Variants in SEPTIN11 observed in about 807,000 individuals in gnomAD.
The protein encoded by SEPTIN11 is septin 11.
A neutral mutation model predicts 51.4 loss-of-function variants in SEPTIN11; 25 were observed. The observed-to-expected ratio is 0.49, with a 90% CI of 0.35 to 0.68. The LOEUF is 0.68. SEPTIN11 is among the 30% of genes least tolerant of loss of function. The pLI is 0.00. For synonymous variants in SEPTIN11, 174 were observed against 184.1 expected (o/e 0.95, Z 0.44); for missense variants, 381 against 520.8 (o/e 0.73, Z 2.61).
chr4:76,958,430 C>G (rs1721656674), intron 1 of SEPTIN11, among the ~76,000 whole-genome samples: 1 of 152,206 alleles, frequency 6.6e-6, no homozygotes, highest in Admixed American at 6.5e-5. Flanking sequence ...GTGGCCTTCC[C>G]TCTTCCCCTG....
At chr4:76,978,436 C>T (rs923282084) in intron 1 of SEPTIN11, among the ~76,000 whole-genome samples, 2 of 152,152 alleles carry the variant, frequency 1.3e-5, no homozygotes, top group Non-Finnish European at 2.9e-5. Context: ...TGATGGCCAA[C>T]ACACACATCA....
At chr4:77,005,883 G>T in intron 3 of SEPTIN11, 87 bp downstream of exon 3, 1 of 1,267,374 alleles carries the variant, frequency 7.9e-7, no homozygotes, top group South Asian at 1.5e-5. Flanking sequence ...AATGTTTTGG[G>T]GATTTTTTAG....
intron 1 of SEPTIN11, chr4:76,959,304 G>A (rs1335415804): frequency 1.9e-5 from 3 of 155,644 alleles, no homozygotes; most frequent in Non-Finnish European, 4.1e-5. Flanking sequence ...AATGGATACA[G>A]AGTCTTGCTA....
chr4:77,012,312 T>C (rs1193513049), intron 4 of SEPTIN11, among the ~76,000 whole-genome samples: 2 of 152,204 alleles, frequency 1.3e-5, no homozygotes, highest in Middle Eastern at 3.2e-3. Flanking sequence ...ATGATAATGG[T>C]CCAGCTTCTT....
intron 1 of SEPTIN11, among the ~76,000 whole-genome samples, chr4:76,975,861 G>A (rs762713224): frequency 9.2e-5 from 14 of 152,230 alleles, no homozygotes; most frequent in Admixed American, 3.3e-4. Flanking sequence ...ATAACTTGGA[G>A]AAGGAAGTAA....
intron 1 of SEPTIN11, among the ~76,000 whole-genome samples, chr4:76,991,140 A>G (rs924491202): frequency 2.0e-5 from 3 of 152,236 alleles, no homozygotes. Context: ...TTTTTAAATG[A>G]TAGTTGCCTC....
At chr4:77,011,641 G>T (rs1724872485) in intron 3 of SEPTIN11, 94 bp from the exon 4 acceptor site, 3 of 1,210,272 alleles carry the variant, frequency 2.5e-6, no homozygotes, top group Admixed American at 3.7e-5. Flanking sequence ...TTGGGCTTTA[G>T]CCCTTAGGAG....
chr4:76,962,900 A>C (rs1187227774), intron 1 of SEPTIN11, among the ~76,000 whole-genome samples: 1 of 152,242 alleles, frequency 6.6e-6, no homozygotes, highest in African/African-American at 2.4e-5. Context: ...CTGTCCGGGA[A>C]GGAGAAATTC....
chr4:77,036,127 T>C lies in SEPTIN11; in HGVS notation c.*1615T>C, dbSNP rs944748722. 1 of 986,702 alleles carries C rather than the reference T, an allele frequency of 1.0e-6. No homozygotes were observed. The allele number at this position is 986,702 out of a possible 1,614,324, so 61.1% of individuals were successfully genotyped here. ...AGAGGAAAGAAGGAATGGTCTTCCA[T>C]GAACTGATTATGCTTAATTAAGCAA... On this transcript the variant is annotated 3_prime_UTR_variant, in exon 10 of 10. Coordinates refer to ENST00000264893, the MANE Select transcript of SEPTIN11 (RefSeq NM_018243.4).
intron 5 of SEPTIN11, among the ~76,000 whole-genome samples, chr4:77,016,326 C>A (rs1347582376): frequency 2.6e-5 from 4 of 151,394 alleles, no homozygotes; most frequent in Non-Finnish European, 5.9e-5. Flanking sequence ...GAATTGGAAC[C>A]CAGGCTTTGG....
chr4:77,036,578 A>T lies in SEPTIN11; in HGVS notation c.*2066A>T, dbSNP rs1451377232. 2 of 1,424,662 alleles carry T rather than the reference A, an allele frequency of 1.4e-6. No individual in the cohort carries two copies. Among genetic ancestry groups the T allele is most frequent in the African/African-American group, 1.5e-5 (1 of 68,410 alleles). 88.3% of individuals were successfully genotyped at this position (1,424,662 alleles called of 1,614,324 possible). A position where few individuals can be genotyped will look rare whatever the true frequency, so the allele number is the denominator to read the frequency against. On this transcript the variant is annotated 3_prime_UTR_variant, in exon 10 of 10. Coordinates refer to ENST00000264893, the MANE Select transcript of SEPTIN11 (RefSeq NM_018243.4). ...TTATTGATTGGATTGACTTTTTTGC[A>T]TTAAATTTTTCCCAGCAAAATAAAT... is the stretch of plus-strand genomic sequence containing the variant.
At chr4:77,032,160 A>G (rs1421595938) in intron 9 of SEPTIN11, 1 of 152,034 alleles carries the variant, frequency 6.6e-6, no homozygotes, top group Non-Finnish European at 1.5e-5. Flanking sequence ...CTACAATGAC[A>G]TACTGAGAGA....
intron 2 of SEPTIN11, among the ~76,000 whole-genome samples, chr4:76,998,096 A>T (rs190638047): frequency 1.3e-5 from 2 of 152,188 alleles, no homozygotes; most frequent in Admixed American, 1.3e-4. Context: ...GACCAAATTG[A>T]TGCTGCCCTG....
chr4:77,020,886 G>C, intron 7 of SEPTIN11: 1 of 527,344 alleles, frequency 1.9e-6, no homozygotes, highest in Non-Finnish European at 3.3e-6. Flanking sequence ...ACATTTTACA[G>C]ATGAGGAAAC....
chr4:76,962,840 C>A (rs1203690456), intron 1 of SEPTIN11, among the ~76,000 whole-genome samples: 3 of 152,144 alleles, frequency 2.0e-5, no homozygotes, highest in Non-Finnish European at 4.4e-5. Context: ...CACAAACACA[C>A]ACTCACATAC....
chr4:77,007,824 C>T (rs1204053800), intron 3 of SEPTIN11, among the ~76,000 whole-genome samples: 2 of 152,198 alleles, frequency 1.3e-5, no homozygotes, highest in African/African-American at 2.4e-5. Context: ...AGCCAAATTA[C>T]TTGTTCACAA....
At chr4:76,966,912 T>C (rs11930326) in intron 1 of SEPTIN11, among the ~76,000 whole-genome samples, 80,252 of 151,608 alleles carry the variant, frequency 0.53, 21,803 homozygotes, top group Middle Eastern at 0.61. Context: ...TGCTTTATTG[T>C]AGTTAGAAAA....
At chr4:77,026,480 A>C (rs1355704749) in intron 7 of SEPTIN11, among the ~76,000 whole-genome samples, 1 of 152,180 alleles carries the variant, frequency 6.6e-6, no homozygotes, top group Non-Finnish European at 1.5e-5. Flanking sequence ...CTCTGTATTT[A>C]GGGAAGTGTA....
At position 77,026,946 on chromosome 4, in the gene SEPTIN11, T is replaced by C. The variant is rs1490298356; in HGVS notation, c.954-1683T>C. Among the ~76,000 whole-genome samples the C allele has an allele frequency of 2.0e-5, 3 of 152,210 alleles. No individual in the cohort carries two copies. The East Asian group carries it at 5.8e-4, about 29-fold the overall frequency. On this transcript the variant is annotated intron_variant, in intron 7 of 9. Transcript: ENST00000264893. ...TGAAGTCCAACTATTGCTATTAATATTAGCCAACACTAACATTGGCCAAGC... is the reference window on the plus strand; with the variant it reads ...TGAAGTCCAACTATTGCTATTAATACTAGCCAACACTAACATTGGCCAAGC...
Sources: gnomAD v4.1 joint callset for allele counts (sites outside exome capture counted in the v4.1 genomes callset) on GRCh38, gnomAD v4.1.1 for gene constraint, MANE v1.5 for transcripts, NCBI Gene and HGNC (gene_info 2026-07-23, HGNC 2026-07-21) for gene names.